Variants in FOXC1 observed in about 807,000 individuals in gnomAD.
FOXC1 encodes the protein forkhead box C1, also known as forkhead box protein C1.
Under a neutral mutation model 8.1 loss-of-function variants are expected in FOXC1, and 5 were observed. The ratio of observed to expected loss-of-function variants is 0.62; its 90% CI spans 0.32 to 1.30. The LOEUF (loss-of-function observed/expected upper bound fraction) is 1.30. FOXC1 is among the 50% of genes most tolerant of loss of function. The pLI is 0.05. For missense variants in FOXC1, 942 were observed against 858.0 expected, an observed-to-expected ratio of 1.10 and a Z score of -1.22; for synonymous variants, 552 against 417.2, an observed-to-expected ratio of 1.32 and a Z score of -3.94.
Position 1,610,582 on chromosome 6 carries a change from T to A in FOXC1, c.137T>A (p.Val46Glu). 1 of 1,596,288 alleles carries A rather than the reference T, an allele frequency of 6.3e-7. No homozygotes were observed. Among genetic ancestry groups the A allele is most frequent in the East Asian group, 2.3e-5 (1 of 43,800 alleles). The change falls in exon 1 of 1, where the codon GTG becomes GAG. Residue 46 changes from valine (V) to glutamate (E), a missense_variant. By Grantham distance (121) the Val-to-Glu change is moderately radical. Coordinates refer to ENST00000645831, the MANE Select transcript of FOXC1 (RefSeq NM_001453.3). ...GYTAMPAPMSVYSHPAHAEQY... is the reference protein window; with the variant it reads ...GYTAMPAPMSEYSHPAHAEQY... ...ACCGCCATGCCGGCCCCCATGAGCG[T>A]GTACTCGCACCCTGCGCACGCCGAG...
At position 1,611,185 on chromosome 6, in the gene FOXC1, G is replaced by T. The variant is rs1229250100; in HGVS notation, c.740G>T (p.Gly247Val). The T allele has an allele frequency of 1.4e-6, 2 of 1,459,510 alleles. No individual in the cohort carries two copies. Among genetic ancestry groups the T allele is most frequent in the South Asian group, 2.6e-5 (2 of 78,110 alleles). 90.4% of individuals were successfully genotyped at this position (1,459,510 alleles called of 1,614,324 possible). ...PQPLSPAAAL[G>V]SGSAAAVPKI... ...CCCCTGTCCCCGGCCGCCGCCCTGG[G>T]CAGCGGCAGCGCCGCCGCGGTGCCC... Residue 247 changes from glycine (G) to valine (V), a missense_variant, in exon 1 of 1, where the codon GGC becomes GTC. By Grantham distance (109) the Gly-to-Val change is moderately radical. Around this residue, in one of 4 missense-constraint regions of FOXC1, gnomAD observed 726 missense variants for 599.6 expected, o/e 1.21. Transcript: ENST00000645831. This position sits in a 1 kb window ranked among gnomAD's most constrained non-coding sequence, Gnocchi z 7.1.
In FOXC1 at chr6:1,611,648, C is replaced by T; in HGVS notation, c.1203C>T (p.Ser401=). Residue 401 remains serine, a synonymous_variant, in exon 1 of 1, where the codon AGC becomes AGT. Coordinates refer to ENST00000645831, the MANE Select transcript of FOXC1 (RefSeq NM_001453.3). This position sits in a 1 kb window ranked among gnomAD's most constrained non-coding sequence, Gnocchi z 7.1. ...ACCACTGCAACCTGCAAGCCATGAG[C>T]CTGTACGCGGCCGGCGAGCGCGGGG... is the stretch of plus-strand genomic sequence containing the variant. ...GTYHCNLQAM[S]LYAAGERGGH... is the part of the protein sequence containing the mutation. The T allele has an allele frequency of 2.9e-6, 4 of 1,367,534 alleles. No homozygotes were observed. The highest frequency in any genetic ancestry group is 3.7e-6 in the Non-Finnish European group (4 of 1,069,226). The allele number at this position is 1,367,534 out of a possible 1,614,324, so 84.7% of individuals were successfully genotyped here. A position where few individuals can be genotyped will look rare whatever the true frequency, so the allele number is the denominator to read the frequency against.
At position 1,610,991 on chromosome 6, in the gene FOXC1, CAAG is replaced by C. The variant is rs1435149965; in HGVS notation, c.547_549del (p.Lys183del). ...TCAAGAAGAAGGACGCGGTGAAGGA[CAAG>C]GAGGAGAAGGACAGGCTGCACCTCA... is the stretch of plus-strand genomic sequence containing the variant. On this transcript the variant is annotated inframe_deletion, in exon 1 of 1. Transcript: ENST00000645831. The C allele has an allele frequency of 1.2e-6, 2 of 1,612,186 alleles. No individual in the cohort carries two copies. Among genetic ancestry groups the C allele is most frequent in the African/African-American group, 1.3e-5 (1 of 74,810 alleles).
In FOXC1 at chr6:1,611,549, C is replaced by A; in HGVS notation, c.1104C>A (p.Thr368=). ...TCTACAGCTCCCCCTGCAGCCAGAC[C>A]TCCAGCGCGGGCAGCTCGGGCGGCG... ...SSLYSSPCSQ[T]SSAGSSGGGG... Residue 368 remains threonine (T), a synonymous_variant, in exon 1 of 1, where the codon ACC becomes ACA. Transcript: ENST00000645831. The surrounding 1 kb of genome is among the most constrained non-coding windows in gnomAD (Gnocchi z 7.1). The A allele has an allele frequency of 8.0e-7, 1 of 1,242,452 alleles. No homozygotes were observed. Among genetic ancestry groups the A allele is most frequent in the South Asian group, 2.7e-5 (1 of 36,862 alleles). The allele number at this position is 1,242,452 out of a possible 1,614,324, so 77.0% of individuals were successfully genotyped here. A position where few individuals can be genotyped will look rare whatever the true frequency, so the allele number is the denominator to read the frequency against.
At position 1,611,955 on chromosome 6, in the gene FOXC1, T is replaced by C; in HGVS notation, c.1510T>C (p.Phe504Leu). ...AAGYPGQQQN[F>L]HSVREMFESQ... Reference sequence around the variant, plus strand: ...AGGCTACCCGGGCCAGCAGCAGAACTTCCACTCGGTGCGGGAGATGTTCGA... The same window carrying C: ...AGGCTACCCGGGCCAGCAGCAGAACCTCCACTCGGTGCGGGAGATGTTCGA... The change falls in exon 1 of 1, where the codon TTC becomes CTC. Residue 504 changes from phenylalanine to leucine, a missense_variant. This residue lies in a region of FOXC1 where 726 missense variants were observed against 599.6 expected (regional missense o/e 1.21). Transcript: ENST00000645831. The surrounding 1 kb of genome is among the most constrained non-coding windows in gnomAD (Gnocchi z 7.1). The C allele has an allele frequency of 1.9e-6, 3 of 1,601,118 alleles. No homozygotes were observed. The highest frequency in any genetic ancestry group is 2.6e-6 in the Non-Finnish European group (3 of 1,173,824).
Position 1,611,455 on chromosome 6 carries a change from C to T in FOXC1, c.1010C>T (p.Ala337Val). The change falls in exon 1 of 1, where the codon GCC (alanine) becomes GTC (valine). Residue 337 changes from alanine (A) to valine (V), a missense_variant. This residue lies in a region of FOXC1 where 726 missense variants were observed against 599.6 expected (regional missense o/e 1.21). Coordinates refer to ENST00000645831, the MANE Select transcript of FOXC1 (RefSeq NM_001453.3). The surrounding 1 kb of genome is among the most constrained non-coding windows in gnomAD (Gnocchi z 7.1). ...ELSSGLLASA[A>V]ASSRAGIAPP... The stretch of plus-strand genomic sequence containing the variant: ...AGCTCCGGCCTTCTGGCCTCGGCGG[C>T]CGCGTCCTCGCGCGCGGGGATCGCA... The T allele has an allele frequency of 7.2e-7, 1 of 1,386,440 alleles. No individual in the cohort carries two copies. The highest frequency in any genetic ancestry group is 9.4e-7 in the Non-Finnish European group (1 of 1,069,338). 85.9% of individuals were successfully genotyped at this position (1,386,440 alleles called of 1,614,324 possible). A position where few individuals can be genotyped will look rare whatever the true frequency, so the allele number is the denominator to read the frequency against.
In FOXC1 at chr6:1,612,187, A is replaced by AT; in HGVS notation, c.*80_*81insT. 1.3e-6 allele frequency: 2 copies of AT among 1,591,010 alleles called. No homozygotes were observed. Among genetic ancestry groups the AT allele is most frequent in the Non-Finnish European group, 1.7e-6 (2 of 1,171,810 alleles). ...CCCATCAAGGCAAAATCGAAACTAA[A>AT]AAAAAAAAATCCAATTAAAAAAAAC... is the stretch of plus-strand genomic sequence containing the variant. On this transcript the variant is annotated 3_prime_UTR_variant, in exon 1 of 1. Transcript: ENST00000645831.
In FOXC1 at chr6:1,613,104, T is replaced by C. The variant is rs1473187638; in HGVS notation, c.*997T>C. 4.2e-6 allele frequency: 1 copy of C among 240,182 alleles called. No homozygotes were observed. Among genetic ancestry groups the C allele is most frequent in the Non-Finnish European group, 8.8e-6 (1 of 113,344 alleles). 14.9% of individuals were successfully genotyped at this position (240,182 alleles called of 1,614,324 possible). A position where few individuals can be genotyped will look rare whatever the true frequency, so the allele number is the denominator to read the frequency against. On this transcript the variant is annotated 3_prime_UTR_variant, in exon 1 of 1. Coordinates refer to ENST00000645831, the MANE Select transcript of FOXC1 (RefSeq NM_001453.3). ...TTGGCATATAAACAAATACGTTTTC[T>C]CACTAATGACAGTCCATGATTCGGA...
chr6:1,611,880 G>A lies in FOXC1; in HGVS notation c.1435G>A (p.Gly479Ser), dbSNP rs1242618172. ...CACCTCGTGGTACCTGAACCAGGCG[G>A]GCGGAGACCTGGGCCACTTGGCGAG... ...RLTSWYLNQAGGDLGHLASAA... is the reference protein window; with the variant it reads ...RLTSWYLNQASGDLGHLASAA... Residue 479 changes from glycine to serine, a missense_variant, in exon 1 of 1, where the codon GGC becomes AGC. Transcript: ENST00000645831. The surrounding 1 kb of genome is among the most constrained non-coding windows in gnomAD (Gnocchi z 7.1). 22 of 1,543,124 alleles carry A rather than the reference G, an allele frequency of 1.4e-5. No homozygotes were observed. Among genetic ancestry groups the A allele is most frequent in the Non-Finnish European group, 1.9e-5 (22 of 1,143,672 alleles).
Position 1,612,581 on chromosome 6 carries a change from G to T in FOXC1, c.*474G>T. ...TGAAAGTCGCTTTCTTTTTATTCAT[G>T]GACTTGTTTTAAAATGTAAATTGCA... On this transcript the variant is annotated 3_prime_UTR_variant, in exon 1 of 1. Coordinates refer to ENST00000645831, the MANE Select transcript of FOXC1 (RefSeq NM_001453.3). 4.1e-6 allele frequency: 1 copy of T among 245,846 alleles called. No individual in the cohort carries two copies. The allele number at this position is 245,846 out of a possible 1,614,324, so 15.2% of individuals were successfully genotyped here.
chr6:1,611,153 G>T lies in FOXC1; in HGVS notation c.708G>T (p.Pro236=). 6.9e-7 allele frequency: 1 copy of T among 1,441,288 alleles called. No homozygotes were observed. The highest frequency in any genetic ancestry group is 9.2e-7 in the Non-Finnish European group (1 of 1,090,172). The allele number at this position is 1,441,288 out of a possible 1,614,324, so 89.3% of individuals were successfully genotyped here. Residue 236 remains proline (P), a synonymous_variant, in exon 1 of 1, where the codon CCG becomes CCT. Transcript: ENST00000645831. The surrounding 1 kb of genome is among the most constrained non-coding windows in gnomAD (Gnocchi z 7.1). ...IKTENGTCPS[P]PQPLSPAAAL... is the part of the protein sequence containing the mutation. Reference sequence around the variant, plus strand: ...CCGAGAACGGTACGTGCCCCTCGCCGCCCCAGCCCCTGTCCCCGGCCGCCG... The same window carrying T: ...CCGAGAACGGTACGTGCCCCTCGCCTCCCCAGCCCCTGTCCCCGGCCGCCG...
At position 1,611,569 on chromosome 6, in the gene FOXC1, G is replaced by A; in HGVS notation, c.1124G>A (p.Gly375Asp). The A allele has an allele frequency of 9.1e-7, 1 of 1,104,908 alleles. No individual in the cohort carries two copies. Among genetic ancestry groups the A allele is most frequent in the Non-Finnish European group, 1.1e-6 (1 of 904,096 alleles). 68.4% of individuals were successfully genotyped at this position (1,104,908 alleles called of 1,614,324 possible). A position where few individuals can be genotyped will look rare whatever the true frequency, so the allele number is the denominator to read the frequency against. ...CAGACCTCCAGCGCGGGCAGCTCGG[G>A]CGGCGGCGGCGGCGGCGCGGGGGCC... ...CSQTSSAGSS[G>D]GGGGGAGAAG... The change falls in exon 1 of 1, where the codon GGC becomes GAC. Residue 375 changes from glycine to aspartate, a missense_variant. Gly to Asp is a moderately conservative substitution (Grantham distance 94). Around this residue, in one of 4 missense-constraint regions of FOXC1, gnomAD observed 726 missense variants for 599.6 expected, o/e 1.21. Transcript: ENST00000645831. This position sits in a 1 kb window ranked among gnomAD's most constrained non-coding sequence, Gnocchi z 7.1.
chr6:1,611,876 G>T lies in FOXC1; in HGVS notation c.1431G>T (p.Gln477His), dbSNP rs543505807. The change falls in exon 1 of 1, where the codon CAG becomes CAT. Residue 477 changes from glutamine to histidine, a missense_variant. By Grantham distance (24) the Gln-to-His change is conservative (BLOSUM62 0). Transcript: ENST00000645831. The surrounding 1 kb of genome is among the most constrained non-coding windows in gnomAD (Gnocchi z 7.1). ...GCCTCACCTCGTGGTACCTGAACCA[G>T]GCGGGCGGAGACCTGGGCCACTTGG... is the stretch of plus-strand genomic sequence containing the variant. Reference protein sequence around the residue: ...QGRLTSWYLNQAGGDLGHLAS... With the variant: ...QGRLTSWYLNHAGGDLGHLAS... 6.0e-5 allele frequency: 92 copies of T among 1,541,162 alleles called. No individual in the cohort carries two copies. The South Asian group carries it at 1.0e-3, about 17-fold the overall frequency.
chr6:1,611,535 C>G lies in FOXC1; in HGVS notation c.1090C>G (p.Pro364Ala). Residue 364 changes from proline to alanine, a missense_variant, in exon 1 of 1, where the codon CCC becomes GCC. Pro to Ala is a conservative substitution (Grantham distance 27). Transcript: ENST00000645831. This position sits in a 1 kb window ranked among gnomAD's most constrained non-coding sequence, Gnocchi z 7.1. The part of the protein sequence containing the change: ...SPGQSSLYSS[P>A]CSQTSSAGSS... ...CGGCCAGAGCTCCCTCTACAGCTCC[C>G]CCTGCAGCCAGACCTCCAGCGCGGG... 1.5e-6 allele frequency: 2 copies of G among 1,291,806 alleles called. No individual in the cohort carries two copies. The highest frequency in any genetic ancestry group is 9.9e-7 in the Non-Finnish European group (1 of 1,012,866). The allele number at this position is 1,291,806 out of a possible 1,614,324, so 80.0% of individuals were successfully genotyped here.
rs956380500 is a variant in FOXC1, at chr6:1,613,854, T to TCAC, written c.*1747_*1748insCAC. On this transcript the variant is annotated 3_prime_UTR_variant, in exon 1 of 1. Transcript: ENST00000645831. ...CTTGTTGTCAAAATTTGATCATTGT[T>TCAC]AAAGGATTGCTGCAAATAAATACAC... The TCAC allele has an allele frequency of 1.5e-5, 3 of 206,654 alleles. No homozygotes were observed. Among genetic ancestry groups the TCAC allele is most frequent in the Non-Finnish European group, 3.3e-5 (3 of 91,852 alleles). 12.8% of individuals were successfully genotyped at this position (206,654 alleles called of 1,614,324 possible).
chr6:1,611,439 CT>C lies in FOXC1; in HGVS notation c.996del (p.Leu333TrpfsTer68). The part of the protein sequence containing the change: ...QSAAAELSSG[L>X]LASAAASSRA... ...CGCGGCCGCGGAGCTCAGCTCCGGC[CT>C]TCTGGCCTCGGCGGCCGCGTCCTCG... is the stretch of plus-strand genomic sequence containing the variant. On this transcript the variant is annotated frameshift_variant, in exon 1 of 1. Coordinates refer to ENST00000645831, the MANE Select transcript of FOXC1 (RefSeq NM_001453.3). LOFTEE classifies it low-confidence loss of function (END_TRUNC). This position sits in a 1 kb window ranked among gnomAD's most constrained non-coding sequence, Gnocchi z 7.1. 7.1e-7 allele frequency: 1 copy of C among 1,407,814 alleles called. No individual in the cohort carries two copies. The highest frequency in any genetic ancestry group is 1.4e-5 in the South Asian group (1 of 69,744). 87.2% of individuals were successfully genotyped at this position (1,407,814 alleles called of 1,614,324 possible).
In FOXC1 at chr6:1,611,533, C is replaced by A; in HGVS notation, c.1088C>A (p.Ser363Tyr). The A allele has an allele frequency of 1.5e-6, 2 of 1,291,600 alleles. No individual in the cohort carries two copies. The highest frequency in any genetic ancestry group is 2.0e-6 in the Non-Finnish European group (2 of 1,012,726). The allele number at this position is 1,291,600 out of a possible 1,614,324, so 80.0% of individuals were successfully genotyped here. ...YSPGQSSLYS[S>Y]PCSQTSSAGS... Reference sequence around the variant, plus strand: ...CCCGGCCAGAGCTCCCTCTACAGCTCCCCCTGCAGCCAGACCTCCAGCGCG... The same window carrying A: ...CCCGGCCAGAGCTCCCTCTACAGCTACCCCTGCAGCCAGACCTCCAGCGCG... Residue 363 changes from serine (S) to tyrosine (Y), a missense_variant, in exon 1 of 1, where the codon TCC (serine) becomes TAC (tyrosine). This residue lies in a region of FOXC1 where 726 missense variants were observed against 599.6 expected (regional missense o/e 1.21). Coordinates refer to ENST00000645831, the MANE Select transcript of FOXC1 (RefSeq NM_001453.3). This position sits in a 1 kb window ranked among gnomAD's most constrained non-coding sequence, Gnocchi z 7.1.
rs1467096969 is a variant in FOXC1, at chr6:1,612,289, ACT to A, written c.*185_*186del. The A allele has an allele frequency of 7.7e-6, 7 of 909,712 alleles. No homozygotes were observed. The highest frequency in any genetic ancestry group is 3.4e-5 in the African/African-American group (2 of 58,848). 56.4% of individuals were successfully genotyped at this position (909,712 alleles called of 1,614,324 possible). ...GCTCACCAGCACCAGCACGAAGAAA[ACT>A]CTATTTTCTTAACCGATTAATTCAG... On this transcript the variant is annotated 3_prime_UTR_variant, in exon 1 of 1. Transcript: ENST00000645831.
chr6:1,610,697 C>T lies in FOXC1; in HGVS notation c.252C>T (p.Ile84=), dbSNP rs751286982. Residue 84 remains isoleucine, a synonymous_variant, in exon 1 of 1, where the codon ATC becomes ATT. Transcript: ENST00000645831. ...TGGTGAAGCCGCCCTATAGCTACAT[C>T]GCGCTCATCACCATGGCCATCCAGA... ...KDMVKPPYSY[I]ALITMAIQNA... is the part of the protein sequence containing the mutation. 1.9e-5 allele frequency: 31 copies of T among 1,613,810 alleles called. 1 individual carries two copies. In the Admixed American group the frequency reaches 2.8e-4, roughly 15 times the overall value.
Sources: allele counts gnomAD v4.1 joint callset, GRCh38; gene constraint gnomAD v4.1.1; regional missense constraint gnomAD v4.1.1; non-coding constraint Gnocchi (gnomAD v3.1); transcripts MANE v1.5; gene names NCBI Gene and HGNC (gene_info 2026-07-23, HGNC 2026-07-21).